TSC22D1: variants seen among roughly 807,000 people sequenced by gnomAD.
The protein encoded by TSC22D1 is TSC22 domain family protein 1.
A neutral mutation model predicts 74.2 loss-of-function variants in TSC22D1; 9 were observed. The ratio of observed to expected loss-of-function variants is 0.12; its 90% CI spans 0.07 to 0.21. The LOEUF is 0.21. Among genes scored for constraint, TSC22D1 ranks in the 10% least tolerant of loss-of-function variants. The pLI is 1.00. For missense variants in TSC22D1, 1,427 were observed against 1,304.7 expected (o/e 1.09, Z -1.44); for synonymous variants, 586 against 492.5 (o/e 1.19, Z -2.51).
At chr13:44,455,633 T>C (rs1021476660) in intron 1 of TSC22D1, among the ~76,000 whole-genome samples, 5 of 152,240 alleles carry the variant, frequency 3.3e-5, no homozygotes, top group Non-Finnish European at 7.3e-5. Flanking sequence ...ATCATCTGTC[T>C]ACAAAATTTA....
intron 1 of TSC22D1, among the ~76,000 whole-genome samples, chr13:44,504,137 GA>G (rs749880595): frequency 2.5e-3 from 198 of 80,412 alleles, no homozygotes; most frequent in Middle Eastern, 0.021. Flanking sequence ...ATGTACAAAT[GA>G]AAAAAAAAAA....
At position 44,434,585 on chromosome 13, in the gene TSC22D1, C is replaced by CA; in HGVS notation, c.*40dup. 6.6e-7 allele frequency: 1 copy of CA among 1,506,964 alleles called. No homozygotes were observed. Among genetic ancestry groups the CA allele is most frequent in the African/African-American group, 1.4e-5 (1 of 71,394 alleles). 93.3% of individuals were successfully genotyped at this position (1,506,964 alleles called of 1,614,324 possible). A position where few individuals can be genotyped will look rare whatever the true frequency, so the allele number is the denominator to read the frequency against. The stretch of plus-strand genomic sequence containing the variant: ...CCCTAGCACATCTTCTCCGTCTGTT[C>CA]AGTTCACACGCAGCAGCCAGTTCTG... On this transcript the variant is annotated 3_prime_UTR_variant, in exon 3 of 3. Coordinates refer to ENST00000458659, the MANE Select transcript of TSC22D1 (RefSeq NM_183422.4).
intron 1 of TSC22D1, among the ~76,000 whole-genome samples, chr13:44,543,220 A>G (rs1881586715): frequency 6.6e-6 from 1 of 152,170 alleles, no homozygotes; most frequent in Non-Finnish European, 1.5e-5. Flanking sequence ...GCTGTTTGCA[A>G]TATTTGTTCT....
chr13:44,566,249 A>T (rs564460900), intron 1 of TSC22D1, among the ~76,000 whole-genome samples: 41 of 152,270 alleles, frequency 2.7e-4, no homozygotes, highest in African/African-American at 9.9e-4. Flanking sequence ...TAGATTTCGA[A>T]TTGGAAAAAC....
At chr13:44,499,226 T>C (rs1053040706) in intron 1 of TSC22D1, among the ~76,000 whole-genome samples, 4 of 152,176 alleles carry the variant, frequency 2.6e-5, no homozygotes, top group African/African-American at 9.7e-5. Context: ...TGCTGGAAAC[T>C]AGATTCTTTT....
At chr13:44,452,512 G>A (rs925428586) in intron 1 of TSC22D1, 1 of 152,260 alleles carries the variant, frequency 6.6e-6, no homozygotes, top group Non-Finnish European at 1.5e-5. Context: ...GGGCCTCTGC[G>A]CCTCACAGGG....
In TSC22D1 at chr13:44,563,481, T is replaced by A. The variant is rs180985393; in HGVS notation, c.2912+9682A>T. ...CTACAGATTCCTTTTACACTAATCT[T>A]CCCTGAACACCATTTAGTCAACAAG... On this transcript the variant is annotated intron_variant, in intron 1 of 2. Transcript: ENST00000458659. 1.6e-3 allele frequency among the ~76,000 whole-genome samples: 243 copies of A among 152,334 alleles called. 1 individual carries two copies. Among genetic ancestry groups the A allele is most frequent in the Non-Finnish European group, 2.4e-3 (165 of 68,026 alleles).
intron 1 of TSC22D1, among the ~76,000 whole-genome samples, chr13:44,572,569 T>C (rs1883842682): frequency 6.6e-6 from 1 of 152,214 alleles, no homozygotes; most frequent in African/African-American, 2.4e-5. Context: ...CAAAATAAGA[T>C]TCCCATTCCT....
intron 1 of TSC22D1, among the ~76,000 whole-genome samples, chr13:44,479,685 T>C (rs1394240946): frequency 6.6e-6 from 1 of 152,222 alleles, no homozygotes; most frequent in African/African-American, 2.4e-5. Flanking sequence ...AAGTAAGTAC[T>C]GGCCACCAAA....
chr13:44,516,202 T>TA lies in TSC22D1; in HGVS notation c.2912+56960dup, dbSNP rs995601263. 1.1e-3 allele frequency: 299 copies of TA among 269,840 alleles called. 2 individuals carry two copies. Among genetic ancestry groups the TA allele is most frequent in the South Asian group, 1.2e-3 (26 of 21,000 alleles). 16.7% of individuals were successfully genotyped at this position (269,840 alleles called of 1,614,324 possible). ...TGCAGAACTTTAGCACCTATGCTAC[T>TA]AAAAAAAAAGTTCTCTTGTTGAACA... is the stretch of plus-strand genomic sequence containing the variant. On this transcript the variant is annotated intron_variant, in intron 1 of 2. Coordinates refer to ENST00000458659, the MANE Select transcript of TSC22D1 (RefSeq NM_183422.4).
rs1236654301 is a variant in TSC22D1, at chr13:44,517,854, TA to T, written c.2912+55308del. On this transcript the variant is annotated intron_variant, in intron 1 of 2. Coordinates refer to ENST00000458659, the MANE Select transcript of TSC22D1 (RefSeq NM_183422.4). The stretch of plus-strand genomic sequence containing the variant: ...GTATATATATATATATATATATATA[TA>T]TATTTTTTTTTTTTTTTTTTTTTTA... Among the ~76,000 whole-genome samples the T allele has an allele frequency of 1.8e-3, 85 of 46,590 alleles. 1 individual carries two copies. Among genetic ancestry groups the T allele is most frequent in the African/African-American group, 4.8e-3 (78 of 16,098 alleles). 30.6% of individuals were successfully genotyped at this position (46,590 alleles called of 152,430 possible).
At chr13:44,451,180 C>A (rs994091254) in intron 1 of TSC22D1, among the ~76,000 whole-genome samples, 2 of 152,228 alleles carry the variant, frequency 1.3e-5, no homozygotes, top group East Asian at 3.9e-4. Flanking sequence ...TGGATGGCAG[C>A]CTCACGAAAT....
intron 1 of TSC22D1, among the ~76,000 whole-genome samples, chr13:44,510,241 A>G (rs1879651011): frequency 6.6e-6 from 1 of 151,766 alleles, no homozygotes; most frequent in Non-Finnish European, 1.5e-5. Context: ...AAAAATACAA[A>G]ATTAGCCGGG....
In TSC22D1 at chr13:44,533,478, A is replaced by G. The variant is rs1484117543; in HGVS notation, c.2912+39685T>C. On this transcript the variant is annotated intron_variant, in intron 1 of 2. Coordinates refer to ENST00000458659, the MANE Select transcript of TSC22D1 (RefSeq NM_183422.4). ...GTATCAAATAAAATTAAAAAAAAAA[A>G]AAAAGGCATGGAAGCAAATTCTGAA... 7.3e-5 allele frequency among the ~76,000 whole-genome samples: 11 copies of G among 151,046 alleles called. No individual in the cohort carries two copies. The East Asian group carries it at 2.2e-3, about 30-fold the overall frequency.
chr13:44,534,816 G>C (rs1370377005), intron 1 of TSC22D1, among the ~76,000 whole-genome samples: 1 of 152,112 alleles, frequency 6.6e-6, no homozygotes, highest in Non-Finnish European at 1.5e-5. Context: ...CAGCCAAAAG[G>C]AGATTGTACT....
chr13:44,491,162 G>A (rs902302122), intron 1 of TSC22D1, among the ~76,000 whole-genome samples: 3 of 151,684 alleles, frequency 2.0e-5, no homozygotes, highest in East Asian at 3.9e-4. Flanking sequence ...GCAAGACTCC[G>A]TCTCAAAAAA....
intron 1 of TSC22D1, among the ~76,000 whole-genome samples, chr13:44,466,203 T>A (rs73465711): frequency 6.6e-6 from 1 of 152,240 alleles, no homozygotes; most frequent in African/African-American, 2.4e-5. Context: ...GGATTTACGA[T>A]CCTCAAGAAG....
intron 1 of TSC22D1, among the ~76,000 whole-genome samples, chr13:44,474,634 A>ATCCT (rs1877792323): frequency 6.6e-6 from 1 of 152,124 alleles, no homozygotes; most frequent in Non-Finnish European, 1.5e-5. Flanking sequence ...TGAAAAAACA[A>ATCCT]TAAGGATGCA....
rs781271233 is a variant in TSC22D1 at position 44,573,754 on chromosome 13, T to C, written c.2321A>G (p.His774Arg). Reference sequence around the variant, plus strand: ...TGGAGCACTAGTTTGAACTCCCTGATGAATAATCCCAGTTTGAGCAGGTGG... The same window carrying C: ...TGGAGCACTAGTTTGAACTCCCTGACGAATAATCCCAGTTTGAGCAGGTGG... ...VVPPAQTGII[H>R]QGVQTSAPSL... Residue 774 changes from histidine to arginine, a missense_variant, in exon 1 of 3, where the codon CAT (histidine) becomes CGT (arginine). His to Arg is a conservative substitution (Grantham distance 29). This residue lies in a region of TSC22D1 where 1,343 missense variants were observed against 1,191.5 expected (regional missense o/e 1.13). Coordinates refer to ENST00000458659, the MANE Select transcript of TSC22D1 (RefSeq NM_183422.4). 1 of 1,614,228 alleles carries C rather than the reference T, an allele frequency of 6.2e-7. No individual in the cohort carries two copies. Among genetic ancestry groups the C allele is most frequent in the Non-Finnish European group, 8.5e-7 (1 of 1,180,040 alleles).
Sources: allele counts gnomAD v4.1 joint callset (sites outside exome capture counted in the v4.1 genomes callset), GRCh38; gene constraint gnomAD v4.1.1; regional missense constraint gnomAD v4.1.1; transcripts MANE v1.5; gene names NCBI Gene and HGNC (gene_info 2026-07-23, HGNC 2026-07-21).